GPA33: variants seen among roughly 807,000 people sequenced by gnomAD.
GPA33 encodes the protein glycoprotein A33.
GPA33 carries 27 observed loss-of-function variants against 35.6 expected under a neutral mutation model. The observed-to-expected ratio is 0.76, with a 90% CI of 0.56 to 1.04. The LOEUF (loss-of-function observed/expected upper bound fraction) is 1.04. Among genes scored for constraint, GPA33 ranks in the 50% least tolerant of loss-of-function variants. The pLI is 0.00. For synonymous variants in GPA33, 176 were observed against 164.0 expected, an observed-to-expected ratio of 1.07 and a Z score of -0.56; for missense variants, 428 against 411.9, an observed-to-expected ratio of 1.04 and a Z score of -0.34.
At position 167,054,006 on chromosome 1, in the gene GPA33, C is replaced by A; in HGVS notation, c.*328G>T. ...CCCTGGAGAGTTCTGAGTGGGAGCG[C>A]CCCATGCTCAGCGCTGTGCTTCCAG... On this transcript the variant is annotated 3_prime_UTR_variant, in exon 7 of 7. Transcript: ENST00000367868. The A allele has an allele frequency of 3.0e-6, 1 of 337,122 alleles. No homozygotes were observed. Among genetic ancestry groups the A allele is most frequent in the South Asian group, 3.7e-5 (1 of 26,904 alleles). The allele number at this position is 337,122 out of a possible 1,614,324, so 20.9% of individuals were successfully genotyped here.
intron 1 of GPA33, among the ~76,000 whole-genome samples, chr1:167,077,400 C>T (rs1199633171): frequency 6.6e-6 from 1 of 152,136 alleles, no homozygotes; most frequent in Non-Finnish European, 1.5e-5. Context: ...TTTACTTCAC[C>T]TCTTCTGTCC....
intron 2 of GPA33, among the ~76,000 whole-genome samples, chr1:167,069,790 G>A (rs925407889): frequency 6.6e-6 from 1 of 152,190 alleles, no homozygotes; most frequent in Non-Finnish European, 1.5e-5. Flanking sequence ...AATAACACCT[G>A]CCTCTCAGGA....
At chr1:167,072,154 G>A (rs1041608574) in intron 2 of GPA33, among the ~76,000 whole-genome samples, 2 of 150,560 alleles carry the variant, frequency 1.3e-5, no homozygotes, top group Admixed American at 1.3e-4. Context: ...CGTCCTGCCC[G>A]CTCGAGGCCT....
chr1:167,077,944 T>C (rs1666856165), intron 1 of GPA33, among the ~76,000 whole-genome samples: 1 of 152,236 alleles, frequency 6.6e-6, no homozygotes, highest in African/African-American at 2.4e-5. Flanking sequence ...CTTTGCTCTA[T>C]CTAGATATGA....
At chr1:167,083,983 C>T (rs1055879784) in intron 1 of GPA33, among the ~76,000 whole-genome samples, 1 of 152,164 alleles carries the variant, frequency 6.6e-6, no homozygotes, top group Non-Finnish European at 1.5e-5. Context: ...CTGCTATCCA[C>T]CCTTTCAGCC....
intron 3 of GPA33, among the ~76,000 whole-genome samples, chr1:167,067,146 T>TTTGC (rs1363590251): frequency 6.6e-6 from 1 of 152,146 alleles, no homozygotes; most frequent in Non-Finnish European, 1.5e-5. Context: ...TTTTTGTTTG[T>TTTGC]TTGCTTGCTT....
chr1:167,065,884 G>A (rs1408850481), intron 3 of GPA33, among the ~76,000 whole-genome samples: 1 of 152,164 alleles, frequency 6.6e-6, no homozygotes, highest in East Asian at 1.9e-4. Flanking sequence ...TGGGACTGGA[G>A]CAGTGTGGGG....
chr1:167,063,141 G>T (rs1486677436), intron 4 of GPA33, among the ~76,000 whole-genome samples: 1 of 152,234 alleles, frequency 6.6e-6, no homozygotes, highest in Non-Finnish European at 1.5e-5. Flanking sequence ...TAAGAAACCA[G>T]TGCTGGCCGG....
In GPA33 at chr1:167,079,633, C is replaced by A. The variant is rs111482955; in HGVS notation, c.44-6094G>T. Among the ~76,000 whole-genome samples the A allele has an allele frequency of 5.5e-4, 83 of 152,264 alleles. 1 individual carries two copies. The Middle Eastern group carries it at 0.014, about 25-fold the overall frequency. ...CACTTACATTTTCCATAATTTGAGACGAGAAGTTATTCCGTGTTTAAGAAC... is the reference window on the plus strand; with the variant it reads ...CACTTACATTTTCCATAATTTGAGAAGAGAAGTTATTCCGTGTTTAAGAAC... On this transcript the variant is annotated intron_variant, in intron 1 of 6. Coordinates refer to ENST00000367868, the MANE Select transcript of GPA33 (RefSeq NM_005814.3).
intron 3 of GPA33, among the ~76,000 whole-genome samples, chr1:167,064,309 GAAAA>G (rs1025295453): frequency 2.7e-4 from 32 of 119,806 alleles, no homozygotes; most frequent in African/African-American, 8.7e-4. Flanking sequence ...AAGAAAAAAA[GAAAA>G]AGAAAGAAAG....
chr1:167,069,253 C>T, intron 2 of GPA33, 115 bp from the exon 3 acceptor site: 1 of 645,572 alleles, frequency 1.5e-6, no homozygotes, highest in African/African-American at 1.8e-5. Flanking sequence ...CACAGACCTG[C>T]CAACCCCTCA....
intron 3 of GPA33, 88 bp downstream of exon 3, chr1:167,068,834 G>T: frequency 1.1e-6 from 1 of 942,672 alleles, no homozygotes; most frequent in Non-Finnish European, 1.7e-6. Context: ...GCTGCCTCTG[G>T]CTTCGTCTCA....
At chr1:167,079,686 C>A (rs1477348648) in intron 1 of GPA33, among the ~76,000 whole-genome samples, 1 of 152,116 alleles carries the variant, frequency 6.6e-6, no homozygotes, top group African/African-American at 2.4e-5. Flanking sequence ...CTTGGGAATC[C>A]TTCATAGCTA....
chr1:167,065,105 C>T lies in GPA33; in HGVS notation c.416-1368G>A, dbSNP rs541915942. Among the ~76,000 whole-genome samples the T allele has an allele frequency of 2.6e-5, 4 of 152,336 alleles. No homozygotes were observed. In the East Asian group the frequency reaches 7.7e-4, roughly 29 times the overall value. ...TTCTACAAACCTCACTGGGTGCCTACTGTGTGTCTGACAATGCTGGGCACT... is the reference window on the plus strand; with the variant it reads ...TTCTACAAACCTCACTGGGTGCCTATTGTGTGTCTGACAATGCTGGGCACT... On this transcript the variant is annotated intron_variant, in intron 3 of 6. Coordinates refer to ENST00000367868, the MANE Select transcript of GPA33 (RefSeq NM_005814.3).
chr1:167,075,821 A>G (rs2102194692), intron 1 of GPA33, among the ~76,000 whole-genome samples: 1 of 152,292 alleles, frequency 6.6e-6, no homozygotes, highest in African/African-American at 2.4e-5. Context: ...TCAGTAAGGG[A>G]GAAGTAGGAA....
chr1:167,065,761 C>T (rs973925888), intron 3 of GPA33, among the ~76,000 whole-genome samples: 2 of 152,112 alleles, frequency 1.3e-5, no homozygotes, highest in African/African-American at 4.8e-5. Context: ...AGGTGTGGGG[C>T]GAGCATGAGG....
intron 1 of GPA33, among the ~76,000 whole-genome samples, chr1:167,087,335 G>A (rs537096960): frequency 1.3e-5 from 2 of 152,142 alleles, no homozygotes; most frequent in Non-Finnish European, 2.9e-5. Flanking sequence ...TATGTGTCAA[G>A]TCCTCTTCTA....
chr1:167,060,773 G>A (rs953181876), intron 4 of GPA33, among the ~76,000 whole-genome samples: 1 of 152,134 alleles, frequency 6.6e-6, no homozygotes, highest in South Asian at 2.1e-4. Flanking sequence ...GGGCAAAGAC[G>A]AACCTCCCTA....
intron 1 of GPA33, among the ~76,000 whole-genome samples, chr1:167,087,952 C>T (rs1667087698): frequency 9.1e-6 from 1 of 109,418 alleles, no homozygotes; most frequent in Admixed American, 8.6e-5. Context: ...AACTTTTAGT[C>T]GGTTTTATGA....
Sources: allele counts gnomAD v4.1 joint callset (sites outside exome capture counted in the v4.1 genomes callset), GRCh38; gene constraint gnomAD v4.1.1; transcripts MANE v1.5; gene names NCBI Gene and HGNC (gene_info 2026-07-23, HGNC 2026-07-21).